Variants in SUSD5 observed in about 807,000 individuals in gnomAD.
The protein encoded by SUSD5 is sushi domain-containing protein 5.
Under a neutral mutation model 29.5 loss-of-function variants are expected in SUSD5, and 33 were observed. That is an observed-to-expected ratio of 1.12 (90% CI 0.85 to 1.49). The LOEUF is 1.49. Among genes scored for constraint, SUSD5 ranks in the 40% most tolerant of loss-of-function variants. The probability of loss-of-function intolerance (pLI) is 0.00; values close to 1 mark genes in which losing one functional copy is unlikely to be tolerated. For missense variants in SUSD5, 776 were observed against 800.6 expected (o/e 0.97, Z 0.37); for synonymous variants, 308 against 325.3 (o/e 0.95, Z 0.57).
In SUSD5 at chr3:33,153,375, C is replaced by G. The variant is rs370381721; in HGVS notation, c.1257G>C (p.Lys419Asn). 8.7e-6 allele frequency: 14 copies of G among 1,613,738 alleles called. No individual in the cohort carries two copies. The highest frequency in any genetic ancestry group is 1.2e-5 in the Non-Finnish European group (14 of 1,179,846). The change falls in exon 5 of 5, where the codon AAG (lysine) becomes AAC (asparagine). Residue 419 changes from lysine (K) to asparagine (N), a missense_variant. Lys to Asn is a moderately conservative substitution (Grantham distance 94, BLOSUM62 0). Transcript: ENST00000309558. Reference protein sequence around the residue: ...PDQPILVEVKKPKSSTLTPSE... With the variant: ...PDQPILVEVKNPKSSTLTPSE... The stretch of plus-strand genomic sequence containing the variant: ...TTGGTGTGAGGGTGCTACTCTTGGG[C>G]TTCTTAACTTCCACAAGAATGGGCT...
chr3:33,199,625 C>A (rs1427558406), intron 3 of SUSD5, among the ~76,000 whole-genome samples: 1 of 152,228 alleles, frequency 6.6e-6, no homozygotes, highest in Non-Finnish European at 1.5e-5. Context: ...ATTCTGAGAC[C>A]TGCATAATAT....
At chr3:33,158,024 C>T (rs1261533395) in intron 4 of SUSD5, among the ~76,000 whole-genome samples, 1 of 152,244 alleles carries the variant, frequency 6.6e-6, no homozygotes, top group Admixed American at 6.5e-5. Context: ...TAAAGTAGAA[C>T]AGTGCTTATC....
chr3:33,212,942 C>T (rs1242784289), intron 2 of SUSD5, among the ~76,000 whole-genome samples: 1 of 152,126 alleles, frequency 6.6e-6, no homozygotes, highest in African/African-American at 2.4e-5. Flanking sequence ...CGTTCCTATA[C>T]ATATACATGC....
chr3:33,182,875 C>T (rs1391256756), intron 3 of SUSD5, among the ~76,000 whole-genome samples: 1 of 151,410 alleles, frequency 6.6e-6, no homozygotes, highest in East Asian at 2.0e-4. Flanking sequence ...CAAGCTCTGC[C>T]TCCCAGGTTC....
At chr3:33,197,909 T>C (rs549628080) in intron 3 of SUSD5, among the ~76,000 whole-genome samples, 1 of 152,316 alleles carries the variant, frequency 6.6e-6, no homozygotes, top group African/African-American at 2.4e-5. Flanking sequence ...TGGGCTTTTA[T>C]GATAAAATTG....
chr3:33,197,001 G>C (rs1277190842), intron 3 of SUSD5, among the ~76,000 whole-genome samples: 2 of 152,212 alleles, frequency 1.3e-5, no homozygotes, highest in South Asian at 4.1e-4. Context: ...AATTCCTGCA[G>C]TGCTGTTGTG....
At chr3:33,169,785 G>C (rs1195684388) in intron 4 of SUSD5, among the ~76,000 whole-genome samples, 2 of 152,176 alleles carry the variant, frequency 1.3e-5, no homozygotes, top group African/African-American at 2.4e-5. Context: ...GTCCAGCTTG[G>C]GGTCAAGCAC....
At chr3:33,203,905 T>C (rs1159865527) in intron 3 of SUSD5, among the ~76,000 whole-genome samples, 1 of 152,034 alleles carries the variant, frequency 6.6e-6, no homozygotes, top group African/African-American at 2.4e-5. Context: ...ATGTAGACCA[T>C]TTGTTGTTGC....
chr3:33,201,619 C>T (rs2032118679), intron 3 of SUSD5, among the ~76,000 whole-genome samples: 3 of 152,182 alleles, frequency 2.0e-5, no homozygotes, highest in African/African-American at 7.2e-5. Flanking sequence ...TGATGCCCAC[C>T]TAGGCCTGGG....
At chr3:33,205,939 T>C (rs1340345267) in intron 3 of SUSD5, among the ~76,000 whole-genome samples, 2 of 152,196 alleles carry the variant, frequency 1.3e-5, no homozygotes, top group East Asian at 3.8e-4. Flanking sequence ...ATATATCTTG[T>C]TTATTGGAGA....
At chr3:33,198,675 C>G (rs1414439284) in intron 3 of SUSD5, among the ~76,000 whole-genome samples, 4 of 152,176 alleles carry the variant, frequency 2.6e-5, no homozygotes, top group African/African-American at 9.7e-5. Context: ...TGGATCACTC[C>G]CTCTCACCTG....
chr3:33,194,987 G>A lies in SUSD5; in HGVS notation c.409+12821C>T, dbSNP rs139032205. Among the ~76,000 whole-genome samples the A allele has an allele frequency of 4.2e-4, 64 of 152,264 alleles. 1 individual carries two copies. The highest frequency in any genetic ancestry group is 1.4e-3 in the African/African-American group (58 of 41,540). On this transcript the variant is annotated intron_variant, in intron 3 of 4. Transcript: ENST00000309558. ...AGGTGGGTGGATCACCTGAGGTCAC[G>A]AGTTCAAGACCAGCCTGGCCAACAT...
Position 33,192,459 on chromosome 3 carries a change from A to G in SUSD5, c.409+15349T>C, listed in dbSNP as rs554643831. 2.6e-5 allele frequency among the ~76,000 whole-genome samples: 4 copies of G among 152,038 alleles called. No homozygotes were observed. The South Asian group carries it at 8.3e-4, about 32-fold the overall frequency. On this transcript the variant is annotated intron_variant, in intron 3 of 4. Coordinates refer to ENST00000309558, the MANE Select transcript of SUSD5 (RefSeq NM_015551.2). ...TTGACCAATTGTATTGCTTCAAAAT[A>G]CTTCTCTATTGTGGTCTTTATCTTT...
intron 3 of SUSD5, among the ~76,000 whole-genome samples, chr3:33,176,927 C>A (rs2031562599): frequency 6.6e-6 from 1 of 152,204 alleles, no homozygotes; most frequent in African/African-American, 2.4e-5. Context: ...TATTTCTGGG[C>A]TCTCTACTCT....
At chr3:33,214,827 TC>T (rs1313525555) in intron 1 of SUSD5, among the ~76,000 whole-genome samples, 2 of 151,904 alleles carry the variant, frequency 1.3e-5, no homozygotes, top group Non-Finnish European at 2.9e-5. Context: ...AGCACTGAGG[TC>T]CCCAGGAGCC....
chr3:33,169,245 A>C (rs1013024461), intron 4 of SUSD5, among the ~76,000 whole-genome samples: 2 of 151,924 alleles, frequency 1.3e-5, no homozygotes, highest in African/African-American at 4.8e-5. Flanking sequence ...TTTGGAACGA[A>C]GTTTCGCTCT....
At chr3:33,179,351 C>T (rs1304437405) in intron 3 of SUSD5, among the ~76,000 whole-genome samples, 2 of 152,006 alleles carry the variant, frequency 1.3e-5, no homozygotes, top group African/African-American at 4.8e-5. Flanking sequence ...CCAGGGAAAA[C>T]TGTTGATTTT....
intron 1 of SUSD5, among the ~76,000 whole-genome samples, chr3:33,217,838 T>C (rs920571542): frequency 6.6e-6 from 1 of 152,234 alleles, no homozygotes; most frequent in Admixed American, 6.5e-5. Flanking sequence ...AACTACCTCA[T>C]GGGTGTGAGA....
chr3:33,173,764 GA>G (rs1192106602), intron 4 of SUSD5, among the ~76,000 whole-genome samples: 1 of 152,184 alleles, frequency 6.6e-6, no homozygotes, highest in Non-Finnish European at 1.5e-5. Context: ...GGGGGTTCTT[GA>G]AAAAGTCTTG....
Sources: gnomAD v4.1 joint callset for allele counts (sites outside exome capture counted in the v4.1 genomes callset) on GRCh38, gnomAD v4.1.1 for gene constraint, MANE v1.5 for transcripts, NCBI Gene and HGNC (gene_info 2026-07-23, HGNC 2026-07-21) for gene names.